CNTN4: variants seen among roughly 807,000 people sequenced by gnomAD.
CNTN4 encodes the protein contactin-4.
Under a neutral mutation model 122.5 loss-of-function variants are expected in CNTN4, and 77 were observed. The ratio of observed to expected loss-of-function variants is 0.63; its 90% confidence interval spans 0.52 to 0.76. The LOEUF (loss-of-function observed/expected upper bound fraction) is 0.76, where lower values mean the gene tolerates loss of function less well. Ranked by LOEUF, CNTN4 falls within the 30% of genes least tolerant of loss-of-function variation. CNTN4 has a pLI of 0.00. For synonymous variants in CNTN4, 512 were observed against 447.0 expected, an observed-to-expected ratio of 1.15 and a Z score of -1.83; for missense variants, 1,256 against 1,259.1, an observed-to-expected ratio of 1.00 and a Z score of 0.04.
intron 4 of CNTN4, among the ~76,000 whole-genome samples, chr3:2,595,036 G>A (rs2080700595): frequency 6.6e-6 from 1 of 152,130 alleles, no homozygotes; most frequent in South Asian, 2.1e-4. Flanking sequence ...TGAACCAGGT[G>A]AAATATAGAA....
At chr3:3,029,779 G>A (rs1391153388) in intron 15 of CNTN4, among the ~76,000 whole-genome samples, 1 of 152,122 alleles carries the variant, frequency 6.6e-6, no homozygotes, top group Non-Finnish European at 1.5e-5. Flanking sequence ...GTAAAATAAG[G>A]ATAACAAGAA....
chr3:2,798,697 GA>G (rs1314919077), intron 6 of CNTN4, among the ~76,000 whole-genome samples: 1 of 152,064 alleles, frequency 6.6e-6, no homozygotes, highest in Non-Finnish European at 1.5e-5. Flanking sequence ...TTTTAGTAGA[GA>G]TGCGGCCTTG....
At position 2,598,432 on chromosome 3, in the gene CNTN4, A is replaced by G. The variant is rs1031982361; in HGVS notation, c.55+26874A>G. Among the ~76,000 whole-genome samples the G allele has an allele frequency of 3.3e-5, 5 of 152,318 alleles. No individual in the cohort carries two copies. The East Asian group carries it at 7.7e-4, about 23-fold the overall frequency. On this transcript the variant is annotated intron_variant, in intron 4 of 24. Transcript: ENST00000418658. ...AAATCAAAGCAAACTCTCCCTCTCA[A>G]TATTCTAATCACGAAGGACTGGAAT...
chr3:2,899,216 T>C (rs2094146783), intron 10 of CNTN4, among the ~76,000 whole-genome samples: 1 of 152,192 alleles, frequency 6.6e-6, no homozygotes, highest in Non-Finnish European at 1.5e-5. Context: ...TCTTTCTAGT[T>C]TTGTTTATTA....
At chr3:2,623,856 T>G (rs558986194) in intron 4 of CNTN4, among the ~76,000 whole-genome samples, 2 of 152,242 alleles carry the variant, frequency 1.3e-5, no homozygotes, top group East Asian at 3.9e-4. Flanking sequence ...CAAGATACAG[T>G]ACGTCAGGGT....
intron 14 of CNTN4, among the ~76,000 whole-genome samples, chr3:3,011,117 T>G (rs1212577796): frequency 6.6e-6 from 1 of 152,182 alleles, no homozygotes; most frequent in Non-Finnish European, 1.5e-5. Flanking sequence ...CTTGCATAAT[T>G]TCTAGCCTCA....
In CNTN4 at chr3:2,178,000, A is replaced by G. The variant is rs1297436224; in HGVS notation, c.-145+77361A>G. 2.0e-5 allele frequency among the ~76,000 whole-genome samples: 3 copies of G among 152,160 alleles called. No homozygotes were observed. The East Asian group carries it at 5.8e-4, about 29-fold the overall frequency. ...TCCTTATTCCATATTCCTAAATTTG[A>G]ATACCCTTCAAGCCCCAGCTCATTT... On this transcript the variant is annotated intron_variant, in intron 2 of 24. Transcript: ENST00000418658.
chr3:2,801,755 G>C (rs1326697790), intron 6 of CNTN4, among the ~76,000 whole-genome samples: 1 of 146,574 alleles, frequency 6.8e-6, no homozygotes, highest in Non-Finnish European at 1.5e-5. Context: ...CCCTCAAGGA[G>C]ATTGTAGTCT....
chr3:2,479,529 C>G (rs1419940598), intron 3 of CNTN4, among the ~76,000 whole-genome samples: 4 of 152,118 alleles, frequency 2.6e-5, no homozygotes, highest in Non-Finnish European at 5.9e-5. Context: ...GGAAGGGAAC[C>G]AGGGTATAAC....
At chr3:2,141,949 TGA>T (rs760492752) in intron 2 of CNTN4, among the ~76,000 whole-genome samples, 46 of 152,280 alleles carry the variant, frequency 3.0e-4, no homozygotes, top group Middle Eastern at 3.4e-3. Context: ...AATCAGAAAC[TGA>T]GGGTGGTTCT....
At chr3:2,479,176 G>A (rs1354545985) in intron 3 of CNTN4, among the ~76,000 whole-genome samples, 2 of 151,948 alleles carry the variant, frequency 1.3e-5, no homozygotes, top group Non-Finnish European at 2.9e-5. Context: ...AACCTATATA[G>A]GTTTGCTTTT....
intron 8 of CNTN4, among the ~76,000 whole-genome samples, chr3:2,873,376 C>T (rs958529309): frequency 6.6e-6 from 1 of 152,198 alleles, no homozygotes; most frequent in African/African-American, 2.4e-5. Flanking sequence ...TCAATGCTGA[C>T]AGCTGATCCC....
At chr3:2,862,518 G>C (rs568413069) in intron 7 of CNTN4, among the ~76,000 whole-genome samples, 1 of 152,132 alleles carries the variant, frequency 6.6e-6, no homozygotes, top group Non-Finnish European at 1.5e-5. Flanking sequence ...GTATTTTTCA[G>C]TTGAGCCCCA....
At chr3:2,825,385 A>G (rs919080461) in intron 7 of CNTN4, among the ~76,000 whole-genome samples, 9 of 151,938 alleles carry the variant, frequency 5.9e-5, no homozygotes, top group African/African-American at 2.2e-4. Context: ...CACCATGCCC[A>G]GCTAATTTTT....
At chr3:2,891,197 C>T (rs534523917) in intron 10 of CNTN4, among the ~76,000 whole-genome samples, 2 of 152,124 alleles carry the variant, frequency 1.3e-5, no homozygotes, top group Non-Finnish European at 2.9e-5. Flanking sequence ...GGTGCAGTGG[C>T]TTATGCCTGT....
intron 6 of CNTN4, among the ~76,000 whole-genome samples, chr3:2,758,029 C>T (rs2090417374): frequency 6.6e-6 from 1 of 151,550 alleles, no homozygotes; most frequent in African/African-American, 2.4e-5. Flanking sequence ...CTTTTTTTTC[C>T]CCTCAAATTG....
intron 3 of CNTN4, among the ~76,000 whole-genome samples, chr3:2,413,143 C>T (rs1372320547): frequency 1.3e-5 from 2 of 152,168 alleles, no homozygotes; most frequent in African/African-American, 4.8e-5. Flanking sequence ...TCTTCTCTAA[C>T]CAAAATTGTC....
chr3:2,219,098 C>T (rs1276918783), intron 2 of CNTN4, among the ~76,000 whole-genome samples: 1 of 152,150 alleles, frequency 6.6e-6, no homozygotes, highest in East Asian at 1.9e-4. Flanking sequence ...ATTTTATCTT[C>T]CATAAATGCT....
intron 3 of CNTN4, among the ~76,000 whole-genome samples, chr3:2,508,758 C>G (rs971776649): frequency 1.4e-4 from 21 of 152,212 alleles, no homozygotes; most frequent in African/African-American, 4.8e-4. Flanking sequence ...TTTGAGAAGA[C>G]CATTTCTTTT....
Sources: gnomAD v4.1 joint callset for allele counts (sites outside exome capture counted in the v4.1 genomes callset) on GRCh38, gnomAD v4.1.1 for gene constraint, MANE v1.5 for transcripts, NCBI Gene and HGNC (gene_info 2026-07-23, HGNC 2026-07-21) for gene names.